The following NDC1 variants were observed in gnomAD, a reference collection of about 807,000 sequenced individuals.
The protein encoded by NDC1 is nucleoporin NDC1.
NDC1 carries 24 observed loss-of-function variants against 89.8 expected under a neutral mutation model. That is an observed-to-expected ratio of 0.27 (90% CI 0.19 to 0.38). The LOEUF is 0.38. Ranked by LOEUF, NDC1 falls within the 10% of genes least tolerant of loss-of-function variation. NDC1 has a pLI of 1.00. For missense variants in NDC1, 728 were observed against 797.6 expected (o/e 0.91, Z 1.05); for synonymous variants, 296 against 284.8 (o/e 1.04, Z -0.39).
chr1:53,769,687 T>C (rs1280824915), intron 17 of NDC1, among the ~76,000 whole-genome samples: 1 of 152,352 alleles, frequency 6.6e-6, no homozygotes, highest in East Asian at 1.9e-4. Flanking sequence ...TCAGATATTA[T>C]ACAATAAGTA....
chr1:53,825,120 C>G (rs1648801452), intron 5 of NDC1, among the ~76,000 whole-genome samples: 1 of 151,902 alleles, frequency 6.6e-6, no homozygotes, highest in Non-Finnish European at 1.5e-5. Context: ...CTGCAGTGAA[C>G]CGTGACCACG....
intron 1 of NDC1, among the ~76,000 whole-genome samples, chr1:53,836,365 T>C (rs1214332371): frequency 6.7e-6 from 1 of 148,766 alleles, no homozygotes; most frequent in African/African-American, 2.5e-5. Context: ...CTGGCCAACA[T>C]GGTAAAACCC....
At chr1:53,801,271 G>T (rs1468698050) in intron 10 of NDC1, among the ~76,000 whole-genome samples, 1 of 152,018 alleles carries the variant, frequency 6.6e-6, no homozygotes, top group Non-Finnish European at 1.5e-5. Context: ...GCACCTCCAT[G>T]GTCCCCAGTG....
intron 13 of NDC1, among the ~76,000 whole-genome samples, chr1:53,796,429 T>C (rs1427598178): frequency 6.6e-6 from 1 of 152,174 alleles, no homozygotes; most frequent in Admixed American, 6.5e-5. Context: ...TTGTTTGCTT[T>C]TTTCCCAGTG....
At position 53,767,726 on chromosome 1, in the gene NDC1, T is replaced by G. The variant is rs1244823829; in HGVS notation, c.*244A>C. On this transcript the variant is annotated 3_prime_UTR_variant, in exon 18 of 18. Transcript: ENST00000371429. ...ACTGCCATCAATGCTTCTGTAAAAT[T>G]GAATAAAGATTTTATTATACCACAC... 3.0e-6 allele frequency: 1 copy of G among 338,188 alleles called. No individual in the cohort carries two copies. Among genetic ancestry groups the G allele is most frequent in the East Asian group, 4.6e-5 (1 of 21,628 alleles). 20.9% of individuals were successfully genotyped at this position (338,188 alleles called of 1,614,324 possible). A position where few individuals can be genotyped will look rare whatever the true frequency, so the allele number is the denominator to read the frequency against.
intron 15 of NDC1, among the ~76,000 whole-genome samples, chr1:53,787,461 C>A (rs1007036268): frequency 1.3e-5 from 2 of 151,668 alleles, no homozygotes; most frequent in Non-Finnish European, 2.9e-5. Flanking sequence ...CGAGCCTGGG[C>A]AACATGGTGA....
chr1:53,781,146 G>A (rs1333568203), intron 16 of NDC1, among the ~76,000 whole-genome samples: 7 of 151,884 alleles, frequency 4.6e-5, no homozygotes, highest in Admixed American at 1.3e-4. Flanking sequence ...ATGAGCCAAC[G>A]CACTTAGCCA....
intron 4 of NDC1, among the ~76,000 whole-genome samples, chr1:53,827,400 C>G (rs971648377): frequency 6.6e-6 from 1 of 152,106 alleles, no homozygotes; most frequent in African/African-American, 2.4e-5. Context: ...CCTCAGCCTG[C>G]CAAGCAGTGG....
chr1:53,783,077 AC>A (rs1292040961), intron 16 of NDC1, among the ~76,000 whole-genome samples: 1 of 152,054 alleles, frequency 6.6e-6, no homozygotes, highest in African/African-American at 2.4e-5. Flanking sequence ...ACATTTAAAG[AC>A]TCTAGCTTAC....
chr1:53,801,248 T>C (rs1647904024), intron 10 of NDC1, among the ~76,000 whole-genome samples: 1 of 152,184 alleles, frequency 6.6e-6, no homozygotes, highest in Non-Finnish European at 1.5e-5. Flanking sequence ...AACACTACGA[T>C]GTCCAGTGAG....
chr1:53,771,350 G>C (rs1427479803), intron 17 of NDC1, among the ~76,000 whole-genome samples: 1 of 152,148 alleles, frequency 6.6e-6, no homozygotes, highest in Non-Finnish European at 1.5e-5. Context: ...ACTAGATTGT[G>C]CTATCAGGCA....
intron 10 of NDC1, among the ~76,000 whole-genome samples, chr1:53,801,259 A>G (rs1376965582): frequency 6.6e-6 from 1 of 152,114 alleles, no homozygotes; most frequent in Non-Finnish European, 1.5e-5. Context: ...GTCCAGTGAG[A>G]TGCACCTCCA....
chr1:53,771,225 T>G (rs1647110848), intron 17 of NDC1: 2 of 152,538 alleles, frequency 1.3e-5, no homozygotes, highest in African/African-American at 4.8e-5. Flanking sequence ...CAGTATTTTC[T>G]GAATGTGTCC....
chr1:53,813,784 G>A (rs1018698175), intron 6 of NDC1, among the ~76,000 whole-genome samples: 2 of 152,068 alleles, frequency 1.3e-5, no homozygotes, highest in Non-Finnish European at 2.9e-5. Flanking sequence ...GGACTTAACA[G>A]ATAGATACAG....
chr1:53,827,556 A>G (rs1648911258), intron 4 of NDC1, among the ~76,000 whole-genome samples: 1 of 152,254 alleles, frequency 6.6e-6, no homozygotes, highest in South Asian at 2.1e-4. Flanking sequence ...ATAAAAAGGC[A>G]GTTATAATTT....
At chr1:53,792,238 G>A (rs1448949028) in intron 14 of NDC1, among the ~76,000 whole-genome samples, 3 of 152,078 alleles carry the variant, frequency 2.0e-5, no homozygotes, top group Non-Finnish European at 2.9e-5. Context: ...CACCATGCCC[G>A]GCCTTTCCCC....
intron 7 of NDC1, 48 bp downstream of exon 7, chr1:53,809,647 A>G: frequency 7.4e-7 from 1 of 1,354,530 alleles, no homozygotes; most frequent in Admixed American, 1.9e-5. Context: ...GCAAACATCT[A>G]AAAGAATGGA....
intron 6 of NDC1, among the ~76,000 whole-genome samples, chr1:53,813,335 A>G (rs181043542): frequency 1.0e-3 from 158 of 152,306 alleles, no homozygotes; most frequent in African/African-American, 3.7e-3. Context: ...ATACAGAACC[A>G]CAGAATGGAT....
chr1:53,832,968 T>C (rs1169006716), intron 2 of NDC1, among the ~76,000 whole-genome samples: 2 of 152,044 alleles, frequency 1.3e-5, no homozygotes, highest in East Asian at 1.9e-4. Context: ...GCAGTGATCA[T>C]GCCACTGCAC....
Sources: gnomAD v4.1 joint callset for allele counts (sites outside exome capture counted in the v4.1 genomes callset) on GRCh38, gnomAD v4.1.1 for gene constraint, MANE v1.5 for transcripts, NCBI Gene and HGNC (gene_info 2026-07-23, HGNC 2026-07-21) for gene names.